PRKCH: variants seen among roughly 807,000 people sequenced by gnomAD.
PRKCH encodes the protein protein kinase C eta type.
PRKCH carries 28 observed loss-of-function variants against 82.5 expected under a neutral mutation model. The observed-to-expected ratio is 0.34, with a 90% CI of 0.25 to 0.47. PRKCH has a LOEUF of 0.47. PRKCH is among the 20% of genes least tolerant of loss of function. The pLI is 1.00. For missense variants in PRKCH, 705 were observed against 881.8 expected (o/e 0.80, Z 2.54); for synonymous variants, 322 against 327.4 (o/e 0.98, Z 0.18).
upstream of PRKCH, among the ~76,000 whole-genome samples, chr14:61,319,677 G>A (rs951437521): frequency 6.6e-6 from 1 of 152,186 alleles, no homozygotes; most frequent in South Asian, 2.1e-4. Context: ...TAAAGCTAGA[G>A]TTCAGCTGTT....
intron 1 of PRKCH, among the ~76,000 whole-genome samples, chr14:61,208,914 G>A (rs1370978003): frequency 6.6e-6 from 1 of 152,166 alleles, no homozygotes; most frequent in Non-Finnish European, 1.5e-5. Flanking sequence ...GATGGGATTA[G>A]TACCTGCTAT....
At chr14:61,228,893 T>A (rs997967110) in intron 1 of PRKCH, among the ~76,000 whole-genome samples, 19 of 151,410 alleles carry the variant, frequency 1.3e-4, no homozygotes, top group Non-Finnish European at 4.4e-5. Context: ...AAATTTTTTT[T>A]AATATAAAAA....
intron 1 of PRKCH, among the ~76,000 whole-genome samples, chr14:61,315,753 A>ATTTTTT (rs3028702): frequency 7.0e-6 from 1 of 143,230 alleles, no homozygotes; most frequent in Non-Finnish European, 1.5e-5. Context: ...TATTTACTGG[A>ATTTTTT]TTTTTTTTTT....
At chr14:61,509,825 G>A (rs549204620) in intron 10 of PRKCH, among the ~76,000 whole-genome samples, 5 of 152,278 alleles carry the variant, frequency 3.3e-5, no homozygotes, top group Admixed American at 1.3e-4. Flanking sequence ...TGAGGCAGGA[G>A]GATCACTTGA....
rs551042738 is a variant in PRKCH, at chr14:61,414,523, T to A, written c.427+23235T>A. Among the ~76,000 whole-genome samples, 92 of 151,938 alleles carry A rather than the reference T, an allele frequency of 6.1e-4. 1 individual carries two copies. Among genetic ancestry groups the A allele is most frequent in the African/African-American group, 2.1e-3 (85 of 41,406 alleles). ...CCTGACCCCAAGTGATCTGCCTGCC[T>A]CAGTCTCCCAAAGTGCTAGGATTAC... is the stretch of plus-strand genomic sequence containing the variant. On this transcript the variant is annotated intron_variant, in intron 2 of 13. Transcript: ENST00000332981.
chr14:61,328,670 T>C (rs1036805214), intron 1 of PRKCH, among the ~76,000 whole-genome samples: 1 of 151,976 alleles, frequency 6.6e-6, no homozygotes, highest in African/African-American at 2.4e-5. Context: ...TGCCTGGGAT[T>C]TTTGGTAGTC....
At position 61,233,989 on chromosome 14, in the gene PRKCH, C is replaced by A. The variant is rs1044647648; in HGVS notation, c.-19+46321C>A. ...TCTCTGCATTTATCATCGAACTTCT[C>A]CACCTTTGGAAGGTACACTGTCCTG... is the stretch of plus-strand genomic sequence containing the variant. On this transcript the variant is annotated intron_variant, in intron 1 of 3. Transcript: ENST00000555185. Among the ~76,000 whole-genome samples, 6 of 152,322 alleles carry A rather than the reference C, an allele frequency of 3.9e-5. No homozygotes were observed. The East Asian group carries it at 1.2e-3, about 29-fold the overall frequency.
intron 1 of PRKCH, among the ~76,000 whole-genome samples, chr14:61,231,830 T>C (rs1347254949): frequency 6.6e-6 from 1 of 152,148 alleles, no homozygotes; most frequent in Non-Finnish European, 1.5e-5. Flanking sequence ...GGTGTGATGA[T>C]GTTGAAAAAA....
chr14:61,541,979 T>C (rs2043192288), intron 12 of PRKCH, among the ~76,000 whole-genome samples: 8 of 152,204 alleles, frequency 5.3e-5, no homozygotes. Flanking sequence ...AATGCAGATA[T>C]AGTTGCACAT....
At chr14:61,303,718 C>A (rs1243555625) in intron 1 of PRKCH, 4 of 151,734 alleles carry the variant, frequency 2.6e-5, no homozygotes, top group Non-Finnish European at 4.4e-5. Context: ...TATCACCTTG[C>A]TATTTGTTTT....
intron 1 of PRKCH, among the ~76,000 whole-genome samples, chr14:61,194,145 C>T (rs754705396): frequency 6.6e-6 from 1 of 151,910 alleles, no homozygotes; most frequent in Non-Finnish European, 1.5e-5. Context: ...GTTATATATT[C>T]TTTAGTTATT....
chr14:61,457,402 C>A (rs1884824895), intron 8 of PRKCH, 83 bp downstream of exon 8: 2 of 1,587,594 alleles, frequency 1.3e-6, no homozygotes, highest in East Asian at 2.2e-5. Flanking sequence ...CGCATGCGCA[C>A]ATACTCACAT....
chr14:61,305,517 T>A (rs2045480089), intron 1 of PRKCH: 1 of 152,170 alleles, frequency 6.6e-6, no homozygotes, highest in Non-Finnish European at 1.5e-5. Flanking sequence ...CAGAGTTCAC[T>A]GAGGCTGTTT....
At chr14:61,459,252 G>A (rs751807105) in intron 9 of PRKCH, among the ~76,000 whole-genome samples, 11 of 152,218 alleles carry the variant, frequency 7.2e-5, no homozygotes, top group Non-Finnish European at 1.0e-4. Context: ...GGGATTCCAC[G>A]AGAGCGGGAT....
At chr14:61,476,864 C>CA (rs34133336) in intron 9 of PRKCH, among the ~76,000 whole-genome samples, 5,051 of 148,870 alleles carry the variant, frequency 0.034, 292 homozygotes, top group African/African-American at 0.12. Context: ...ATGATAAGTT[C>CA]AAAAAAAAAA....
chr14:61,287,663 T>C (rs1158026387), intron 1 of PRKCH, among the ~76,000 whole-genome samples: 1 of 151,932 alleles, frequency 6.6e-6, no homozygotes, highest in Non-Finnish European at 1.5e-5. Flanking sequence ...TGAGCTGAAA[T>C]TGTGCCACTG....
chr14:61,542,943 T>C (rs1040911227), intron 12 of PRKCH, among the ~76,000 whole-genome samples: 4 of 152,240 alleles, frequency 2.6e-5, no homozygotes, highest in African/African-American at 4.8e-5. Flanking sequence ...ACGTTAATTC[T>C]CTCATTGACT....
intron 1 of PRKCH, among the ~76,000 whole-genome samples, chr14:61,352,354 T>G (rs1315344064): frequency 6.6e-6 from 1 of 152,096 alleles, no homozygotes; most frequent in African/African-American, 2.4e-5. Flanking sequence ...ACACAGTGAA[T>G]TGATGCAGAA....
intron 10 of PRKCH, among the ~76,000 whole-genome samples, chr14:61,495,655 T>C (rs1321059799): frequency 6.6e-6 from 1 of 152,236 alleles, no homozygotes; most frequent in East Asian, 1.9e-4. Flanking sequence ...TTGGGGTGTT[T>C]GTTCTTTCCG....
Sources: gnomAD v4.1 joint callset for allele counts (sites outside exome capture counted in the v4.1 genomes callset) on GRCh38, gnomAD v4.1.1 for gene constraint, MANE v1.5 for transcripts, NCBI Gene and HGNC (gene_info 2026-07-23, HGNC 2026-07-21) for gene names.